The following EEF2 variants were observed in gnomAD, a reference collection of about 807,000 sequenced individuals.
EEF2 encodes the protein elongation factor 2.
EEF2 carries 21 observed loss-of-function variants against 85.3 expected under a neutral mutation model. The ratio of observed to expected loss-of-function variants is 0.25; its 90% CI spans 0.17 to 0.35. The LOEUF is 0.35. EEF2 is among the 10% of genes least tolerant of loss of function. The pLI is 1.00. For synonymous variants in EEF2, 723 were observed against 508.8 expected (o/e 1.42, Z -5.67); for missense variants, 825 against 1,225.3 (o/e 0.67, Z 4.88).
chr19:3,982,773 G>T lies in EEF2; in HGVS notation c.612+34C>A. ...CACCGGCTCCTGCAGATCCCGCTGCGGCAAGCCCACCACCCAGCTAGGGAG... is the reference window on the plus strand; with the variant it reads ...CACCGGCTCCTGCAGATCCCGCTGCTGCAAGCCCACCACCCAGCTAGGGAG... On this transcript the variant is annotated intron_variant, in intron 4 of 14. Coordinates refer to ENST00000309311, the MANE Select transcript of EEF2 (RefSeq NM_001961.4). The T allele has an allele frequency of 2.5e-6, 4 of 1,588,000 alleles. No individual in the cohort carries two copies. In the South Asian group the frequency reaches 4.5e-5, roughly 18 times the overall value.
Position 3,977,960 on chromosome 19 carries a change from G to T in EEF2, c.1926C>A (p.Asp642Glu). 6.2e-7 allele frequency: 1 copy of T among 1,613,424 alleles called. No individual in the cohort carries two copies. The highest frequency in any genetic ancestry group is 8.5e-7 in the Non-Finnish European group (1 of 1,179,958). Residue 642 changes from aspartate to glutamate, a missense_variant, in exon 12 of 15, where the codon GAC (aspartate) becomes GAA (glutamate). Asp to Glu is a conservative substitution (Grantham distance 45, BLOSUM62 2). Coordinates refer to ENST00000309311, the MANE Select transcript of EEF2 (RefSeq NM_001961.4). This position sits in a 1 kb window ranked among gnomAD's most constrained non-coding sequence, Gnocchi z 5.4. ...ACCAGATCTTGCGGGCCTCAGCCAC[G>T]TCCCACTCGTACTTCTCGGCCAGGT... ...ARYLAEKYEW[D>E]VAEARKIWCF...
At chr19:3,984,058 C>CG in intron 2 of EEF2, 78 bp downstream of exon 2, 1 of 1,516,684 alleles carries the variant, frequency 6.6e-7, no homozygotes, top group South Asian at 1.2e-5. Context: ...AGTCTCTCCC[C>CG]GCGCACCCTG....
Position 3,976,703 on chromosome 19 carries a change from G to A in EEF2, c.2428C>T (p.Pro810Ser). 6.2e-7 allele frequency: 1 copy of A among 1,605,214 alleles called. No homozygotes were observed. Among genetic ancestry groups the A allele is most frequent in the South Asian group, 1.1e-5 (1 of 90,304 alleles). The change falls in exon 15 of 15, where the codon CCC (proline) becomes TCC (serine). Residue 810 changes from proline (P) to serine (S), a missense_variant. By Grantham distance (74) the Pro-to-Ser change is moderately conservative (BLOSUM62 -1). Transcript: ENST00000309311. ...TGCCAGTGGTCAAACACACACTGGG[G>A]GAACGCCTGGCCGCCCGTGTTGGAC... is the stretch of plus-strand genomic sequence containing the variant. ...LRSNTGGQAFPQCVFDHWQIL... is the reference protein window; with the variant it reads ...LRSNTGGQAFSQCVFDHWQIL...
chr19:3,977,613 G>T lies in EEF2; in HGVS notation c.2068-3C>A. 6.6e-7 allele frequency: 1 copy of T among 1,507,428 alleles called. No homozygotes were observed. Among genetic ancestry groups the T allele is most frequent in the Non-Finnish European group, 8.8e-7 (1 of 1,132,076 alleles). The allele number at this position is 1,507,428 out of a possible 1,614,324, so 93.4% of individuals were successfully genotyped here. ...ATGTTCTCCTCACACAGTGCGCCCT[G>T]GGGGAGGGGGAGAGCCACCGTCAAG... On this transcript the variant is annotated splice_region_variant and splice_polypyrimidine_tract_variant and intron_variant, in intron 12 of 14. Coordinates refer to ENST00000309311, the MANE Select transcript of EEF2 (RefSeq NM_001961.4). The surrounding 1 kb of genome is among the most constrained non-coding windows in gnomAD (Gnocchi z 5.4).
In EEF2 at chr19:3,984,596, A is replaced by G. The variant is rs138652365; in HGVS notation, c.4-246T>C. ...AGAAATAAAAGTGCTCAGGAATAAA[A>G]CTGAGTGTCAACAGATTTCCTTGAT... On this transcript the variant is annotated intron_variant, in intron 1 of 14. Transcript: ENST00000309311. Among the ~76,000 whole-genome samples the G allele has an allele frequency of 7.7e-4, 117 of 152,310 alleles. 1 individual carries two copies. The highest frequency in any genetic ancestry group is 2.7e-3 in the African/African-American group (113 of 41,566).
chr19:3,980,203 AC>A, intron 9 of EEF2, 137 bp from the exon 10 acceptor site: 1 of 1,288,654 alleles, frequency 7.8e-7, no homozygotes, highest in South Asian at 1.5e-5. Context: ...CAAGGCCCTG[AC>A]TGCTGCGTCG....
chr19:3,979,730 A>G (rs1393472427), intron 10 of EEF2, 78 bp downstream of exon 10: 3 of 1,550,152 alleles, frequency 1.9e-6, no homozygotes, highest in East Asian at 4.5e-5. Flanking sequence ...AACCACAGCA[A>G]CCCACACAGC....
chr19:3,981,426 C>G lies in EEF2; in HGVS notation c.924G>C (p.Lys308Asn), dbSNP rs770108129. 1 of 1,614,196 alleles carries G rather than the reference C, an allele frequency of 6.2e-7. No individual in the cohort carries two copies. Among genetic ancestry groups the G allele is most frequent in the Middle Eastern group, 1.6e-4 (1 of 6,062 alleles). Residue 308 changes from lysine to asparagine, a missense_variant, in exon 7 of 15, where the codon AAG becomes AAC. Transcript: ENST00000309311. ...FKVFDAIMNF[K>N]KEETAKLIEK... ...CTATCAGTTTTGCTGTCTCCTCTTT[C>G]TTGAAATTCATGATCGCATCAAACA...
intron 11 of EEF2, among the ~76,000 whole-genome samples, chr19:3,978,677 C>T (rs552659267): frequency 5.3e-5 from 8 of 151,456 alleles, no homozygotes; most frequent in Middle Eastern, 3.4e-3. Flanking sequence ...TGATGGCAGG[C>T]GCCTGAAGTC....
intron 6 of EEF2, 89 bp downstream of exon 6, chr19:3,981,858 C>A: frequency 8.2e-7 from 1 of 1,223,328 alleles, no homozygotes; most frequent in Non-Finnish European, 1.2e-6. Flanking sequence ...GGAGACGGGC[C>A]CAGTCAGCCG....
chr19:3,982,546 G>A, intron 4 of EEF2, 122 bp from the exon 5 acceptor site: 3 of 1,320,656 alleles, frequency 2.3e-6, no homozygotes, highest in Non-Finnish European at 3.2e-6. Context: ...TCTGGTCAAA[G>A]TGAAGAAATG....
intron 6 of EEF2, 37 bp from the exon 7 acceptor site, chr19:3,981,489 G>A (rs377541955): frequency 2.8e-5 from 45 of 1,585,846 alleles, no homozygotes; most frequent in Middle Eastern, 1.7e-4. Context: ...AGCCCATTTG[G>A]GAACAGCAGG....
rs756409621 is a variant in EEF2 at position 3,981,457 on chromosome 19, A to G, written c.898-5T>C. ...ATTCATGATCGCATCAAACACCTAC[A>G]TTCCCCACCAAGAAACAAGAAAGCC... On this transcript the variant is annotated splice_region_variant and splice_polypyrimidine_tract_variant and intron_variant, in intron 6 of 14. Transcript: ENST00000309311. 6 of 1,611,958 alleles carry G rather than the reference A, an allele frequency of 3.7e-6. No individual in the cohort carries two copies. The Admixed American group carries it at 5.0e-5, about 13-fold the overall frequency.
chr19:3,981,996 T>C lies in EEF2; in HGVS notation c.848A>G (p.Lys283Arg). Residue 283 changes from lysine to arginine, a missense_variant, in exon 6 of 15, where the codon AAG (lysine) becomes AGG (arginine). Physicochemically the swap from Lys to Arg is conservative, Grantham distance 26. Transcript: ENST00000309311. ...CTGGCAGAAGGTGCGTGGCAGCTTC[T>C]TCCCTTCGGGGCTGGTGGCTGACTT... ...FSKSATSPEG[K>R]KLPRTFCQLI... 6.2e-7 allele frequency: 1 copy of C among 1,614,182 alleles called. No individual in the cohort carries two copies.
In EEF2 at chr19:3,977,807, G is replaced by A. The variant is rs750010552; in HGVS notation, c.2067+12C>T. 6.4e-7 allele frequency: 1 copy of A among 1,571,098 alleles called. No individual in the cohort carries two copies. The highest frequency in any genetic ancestry group is 8.7e-7 in the Non-Finnish European group (1 of 1,153,506). Reference sequence around the variant, plus strand: ...AACGGGTGTGGTCTGCACATGCTGAGCCGTGCCTCACCTCCTTGGTGGCCC... The same window carrying A: ...AACGGGTGTGGTCTGCACATGCTGAACCGTGCCTCACCTCCTTGGTGGCCC... On this transcript the variant is annotated intron_variant, in intron 12 of 14. Coordinates refer to ENST00000309311, the MANE Select transcript of EEF2 (RefSeq NM_001961.4). The surrounding 1 kb of genome is among the most constrained non-coding windows in gnomAD (Gnocchi z 5.4).
At chr19:3,979,636 G>A (rs951897773) in intron 10 of EEF2, among the ~76,000 whole-genome samples, 172 bp downstream of exon 10, 1 of 152,252 alleles carries the variant, frequency 6.6e-6, no homozygotes, top group Non-Finnish European at 1.5e-5. Flanking sequence ...GCCTAGGAGA[G>A]GGTGGTGGCT....
intron 4 of EEF2, 90 bp from the exon 5 acceptor site, chr19:3,982,514 C>A: frequency 2.7e-6 from 4 of 1,503,352 alleles, no homozygotes; most frequent in Non-Finnish European, 3.7e-6. Flanking sequence ...GGGCCTCAGA[C>A]GCAGGCTTTC....
chr19:3,980,751 C>G (rs1284762520), intron 8 of EEF2, 42 bp from the exon 9 acceptor site: 3 of 1,602,978 alleles, frequency 1.9e-6, no homozygotes, highest in Admixed American at 1.7e-5. Context: ...TCCAGTGCAG[C>G]TCAGCCTTCT....
chr19:3,982,484 G>A (rs767943834), intron 4 of EEF2, 60 bp from the exon 5 acceptor site: 48 of 1,604,182 alleles, frequency 3.0e-5, no homozygotes, highest in South Asian at 5.5e-5. Flanking sequence ...CTGAAGCTAC[G>A]GGCTGGGCGC....
Sources: allele counts gnomAD v4.1 joint callset (sites outside exome capture counted in the v4.1 genomes callset), GRCh38; gene constraint gnomAD v4.1.1; non-coding constraint Gnocchi (gnomAD v3.1); transcripts MANE v1.5; gene names NCBI Gene and HGNC (gene_info 2026-07-23, HGNC 2026-07-21).